Variants in SLC27A6 observed in about 807,000 individuals in gnomAD.
The protein encoded by SLC27A6 is long-chain fatty acid transport protein 6.
Under a neutral mutation model 63.9 loss-of-function variants are expected in SLC27A6, and 74 were observed. The observed-to-expected ratio is 1.16, with a 90% CI of 0.96 to 1.40. The LOEUF is 1.40. Among genes scored for constraint, SLC27A6 ranks in the 40% most tolerant of loss-of-function variants. The pLI is 0.00. For missense variants in SLC27A6, 794 were observed against 732.9 expected (o/e 1.08, Z -0.96); for synonymous variants, 287 against 260.8 (o/e 1.10, Z -0.97).
intron 1 of SLC27A6, among the ~76,000 whole-genome samples, chr5:128,980,066 A>G (rs1433629792): frequency 6.6e-6 from 1 of 152,198 alleles, no homozygotes; most frequent in Non-Finnish European, 1.5e-5. Context: ...CTCCCATGTA[A>G]GGACCTGGAT....
chr5:128,971,122 A>G (rs1750142694), intron 1 of SLC27A6, among the ~76,000 whole-genome samples: 1 of 152,130 alleles, frequency 6.6e-6, no homozygotes, highest in Non-Finnish European at 1.5e-5. Flanking sequence ...GGGCTGAGAG[A>G]CAGTTTGCTA....
In SLC27A6 at chr5:128,991,625, A is replaced by G. The variant is rs1030124792; in HGVS notation, c.969+1161A>G. On this transcript the variant is annotated intron_variant, in intron 4 of 9. Transcript: ENST00000262462. ...TTTTAAAATGCTGTTCTTTAAAAAAATAACTACTGACCACTGACACTGATT... is the reference window on the plus strand; with the variant it reads ...TTTTAAAATGCTGTTCTTTAAAAAAGTAACTACTGACCACTGACACTGATT... Among the ~76,000 whole-genome samples the G allele has an allele frequency of 2.0e-5, 3 of 152,242 alleles. No homozygotes were observed. The South Asian group carries it at 6.2e-4, about 31-fold the overall frequency.
intron 3 of SLC27A6, among the ~76,000 whole-genome samples, chr5:128,989,808 C>T (rs1404442309): frequency 6.6e-6 from 1 of 151,576 alleles, no homozygotes; most frequent in Non-Finnish European, 1.5e-5. Context: ...CCTGTAGTCC[C>T]AGCTACTCGG....
intron 9 of SLC27A6, among the ~76,000 whole-genome samples, chr5:129,032,882 T>C (rs1752455527): frequency 6.6e-6 from 1 of 151,978 alleles, no homozygotes; most frequent in South Asian, 2.1e-4. Flanking sequence ...ATAATTCTTA[T>C]ATATTGAATG....
rs537522410 is a variant in SLC27A6 at position 129,016,053 on chromosome 5, A to G, written c.1138A>G (p.Ile380Val). The change falls in exon 5 of 10, where the codon ATT becomes GTT. Residue 380 changes from isoleucine (I) to valine (V), a missense_variant. Transcript: ENST00000262462. ...GAACTACACTGGGAGAATTGGAGCA[A>G]TTGGGAGAACAAATTTGTTTTACAA... Reference protein sequence around the residue: ...FMNYTGRIGAIGRTNLFYKLL... With the variant: ...FMNYTGRIGAVGRTNLFYKLL... 8.1e-5 allele frequency: 129 copies of G among 1,589,028 alleles called. 1 individual carries two copies. The South Asian group carries it at 1.1e-3, about 13-fold the overall frequency.
intron 5 of SLC27A6, among the ~76,000 whole-genome samples, chr5:129,019,801 A>G (rs1214098261): frequency 1.3e-5 from 2 of 152,044 alleles, no homozygotes; most frequent in African/African-American, 4.8e-5. Flanking sequence ...AGAGCAAGCA[A>G]ATGATAATTT....
chr5:129,026,018 C>T (rs1439077592), intron 6 of SLC27A6, among the ~76,000 whole-genome samples: 1 of 152,090 alleles, frequency 6.6e-6, no homozygotes, highest in Admixed American at 6.6e-5. Flanking sequence ...CATCTGCAGC[C>T]CAGCTACTTG....
At chr5:128,982,593 C>T (rs558640476) in intron 1 of SLC27A6, among the ~76,000 whole-genome samples, 1 of 152,140 alleles carries the variant, frequency 6.6e-6, no homozygotes, top group Non-Finnish European at 1.5e-5. Flanking sequence ...TGAGTCAGTT[C>T]AGAGATTTGC....
At position 128,982,005 on chromosome 5, in the gene SLC27A6, G is replaced by A. The variant is rs139652746; in HGVS notation, c.482-3128G>A. ...ATTTTTGTATTTTTAGTAGAGACAG[G>A]GTTTCACCATGTTGGCCAGGCTCTT... On this transcript the variant is annotated intron_variant, in intron 1 of 9. Transcript: ENST00000262462. Among the ~76,000 whole-genome samples, 28 of 152,016 alleles carry A rather than the reference G, an allele frequency of 1.8e-4. 1 individual carries two copies. The East Asian group carries it at 5.3e-3, about 29-fold the overall frequency.
At chr5:129,008,750 T>C (rs1246707287) in intron 4 of SLC27A6, among the ~76,000 whole-genome samples, 1 of 152,180 alleles carries the variant, frequency 6.6e-6, no homozygotes, top group Non-Finnish European at 1.5e-5. Flanking sequence ...GATGGAGTCT[T>C]TTCTCCATTT....
intron 1 of SLC27A6, among the ~76,000 whole-genome samples, chr5:128,978,454 C>T (rs1750466945): frequency 6.6e-6 from 1 of 152,192 alleles, no homozygotes; most frequent in Non-Finnish European, 1.5e-5. Flanking sequence ...GCCTTGAGTA[C>T]ATGGCAACCA....
At chr5:129,002,833 A>G (rs957586435) in intron 4 of SLC27A6, among the ~76,000 whole-genome samples, 1 of 152,192 alleles carries the variant, frequency 6.6e-6, no homozygotes, top group Non-Finnish European at 1.5e-5. Context: ...AGACAATACA[A>G]TACTTTGATA....
chr5:129,032,446 C>A (rs1227801816), intron 9 of SLC27A6, among the ~76,000 whole-genome samples: 4 of 151,926 alleles, frequency 2.6e-5, no homozygotes, highest in African/African-American at 4.8e-5. Flanking sequence ...CAGCAACTAC[C>A]AAAAACCCAA....
chr5:128,982,509 A>C (rs941657137), intron 1 of SLC27A6, among the ~76,000 whole-genome samples: 1 of 152,194 alleles, frequency 6.6e-6, no homozygotes, highest in Non-Finnish European at 1.5e-5. Context: ...TTAGACATAC[A>C]TATCATTAAG....
chr5:128,970,351 T>G (rs1750096577), intron 1 of SLC27A6, among the ~76,000 whole-genome samples: 1 of 152,230 alleles, frequency 6.6e-6, no homozygotes, highest in African/African-American at 2.4e-5. Context: ...TTCCTGTTTG[T>G]ACCTCTGGTA....
intron 6 of SLC27A6, 36 bp downstream of exon 6, chr5:129,023,746 A>G: frequency 6.9e-7 from 1 of 1,455,964 alleles, no homozygotes; most frequent in Non-Finnish European, 9.6e-7. Flanking sequence ...CCTCAAGCAA[A>G]GTTTCTGATC....
intron 4 of SLC27A6, among the ~76,000 whole-genome samples, chr5:128,997,003 A>T (rs554571787): frequency 6.6e-6 from 1 of 152,256 alleles, no homozygotes; most frequent in East Asian, 1.9e-4. Flanking sequence ...TATTAAAAAT[A>T]TTCTCTCATC....
chr5:129,010,924 G>A (rs1322854817), intron 4 of SLC27A6, among the ~76,000 whole-genome samples: 5 of 152,192 alleles, frequency 3.3e-5, no homozygotes, highest in African/African-American at 1.2e-4. Flanking sequence ...TACGGACACT[G>A]TGAGATAGTA....
intron 4 of SLC27A6, among the ~76,000 whole-genome samples, chr5:128,996,454 G>A (rs12173233): frequency 0.23 from 35,022 of 152,110 alleles, 5,153 homozygotes; most frequent in East Asian, 0.71. Flanking sequence ...ATTATAAAAA[G>A]AGAGGTGTTT....
Sources: allele counts gnomAD v4.1 joint callset (sites outside exome capture counted in the v4.1 genomes callset), GRCh38; gene constraint gnomAD v4.1.1; transcripts MANE v1.5; gene names NCBI Gene and HGNC (gene_info 2026-07-23, HGNC 2026-07-21).